The following SOX5 variants were observed in gnomAD, a reference collection of about 807,000 sequenced individuals.
SOX5 encodes SRY-box transcription factor 5.
Under a neutral mutation model 92.0 loss-of-function variants are expected in SOX5, and 9 were observed. The observed-to-expected ratio is 0.10, with a 90% CI of 0.06 to 0.17. The LOEUF (loss-of-function observed/expected upper bound fraction) is 0.17. SOX5 is among the 10% of genes least tolerant of loss of function. The pLI is 1.00. For synonymous variants in SOX5, 344 were observed against 336.3 expected, an observed-to-expected ratio of 1.02 and a Z score of -0.25; for missense variants, 642 against 944.5, an observed-to-expected ratio of 0.68 and a Z score of 4.20.
chr12:23,857,716 CTTAGGAAGTTT>C (rs2096708615), intron 2 of SOX5, among the ~76,000 whole-genome samples: 1 of 151,000 alleles, frequency 6.6e-6, no homozygotes, highest in African/African-American at 2.4e-5. Context: ...TGACAGTGTA[CTTAGGAAGTTT>C]TTTCTTTCTT....
At chr12:23,919,780 G>A (rs1191694703) in intron 1 of SOX5, among the ~76,000 whole-genome samples, 1 of 152,100 alleles carries the variant, frequency 6.6e-6, no homozygotes, top group African/African-American at 2.4e-5. Flanking sequence ...CCACTACATG[G>A]TTTCTACTGG....
At chr12:24,037,840 T>A (rs1484494578) in intron 4 of SOX5, among the ~76,000 whole-genome samples, 1 of 152,170 alleles carries the variant, frequency 6.6e-6, no homozygotes, top group Non-Finnish European at 1.5e-5. Flanking sequence ...ACTTCCCCAC[T>A]TAACTTGCAC....
intron 1 of SOX5, among the ~76,000 whole-genome samples, chr12:24,535,377 T>C (rs1951550627): frequency 6.6e-6 from 1 of 152,090 alleles, no homozygotes; most frequent in Non-Finnish European, 1.5e-5. Context: ...CTTAGAAAAA[T>C]CATGATAAAT....
chr12:24,285,525 CG>C (rs138170589), intron 2 of SOX5, among the ~76,000 whole-genome samples: 22,772 of 152,152 alleles, frequency 0.15, 1,879 homozygotes, highest in Middle Eastern at 0.26. Flanking sequence ...AGAAGAGCAG[CG>C]CTATACTGGT....
chr12:23,584,244 GA>G (rs147927306), intron 9 of SOX5, among the ~76,000 whole-genome samples: 123 of 152,048 alleles, frequency 8.1e-4, no homozygotes, highest in African/African-American at 2.6e-3. Flanking sequence ...TTGACGGGGG[GA>G]AAAAACCACT....
intron 3 of SOX5, among the ~76,000 whole-genome samples, chr12:23,806,280 G>C (rs2095768179): frequency 6.6e-6 from 1 of 152,086 alleles, no homozygotes; most frequent in South Asian, 2.1e-4. Flanking sequence ...AATGCCATGA[G>C]AAAGCATTAG....
chr12:23,726,118 CG>C (rs2076152107), intron 6 of SOX5, among the ~76,000 whole-genome samples: 14 of 123,648 alleles, frequency 1.1e-4, no homozygotes, highest in African/African-American at 1.6e-4. Context: ...CATACATCCC[CG>C]AGAGAGAGAG....
At chr12:24,561,903 C>T (rs962133348) in intron 1 of SOX5, among the ~76,000 whole-genome samples, 5 of 152,234 alleles carry the variant, frequency 3.3e-5, no homozygotes, top group African/African-American at 9.6e-5. Flanking sequence ...CCGCGATGCC[C>T]AGCACAGCCC....
intron 4 of SOX5, among the ~76,000 whole-genome samples, chr12:24,048,265 C>T (rs528042977): frequency 6.6e-5 from 10 of 152,178 alleles, no homozygotes; most frequent in Admixed American, 1.3e-4. Context: ...GAAGTTCATA[C>T]GTGGTGAAGT....
At chr12:24,125,423 T>C (rs1451313896) in intron 4 of SOX5, among the ~76,000 whole-genome samples, 1 of 152,212 alleles carries the variant, frequency 6.6e-6, no homozygotes, top group Non-Finnish European at 1.5e-5. Context: ...TTCTGTCATT[T>C]AGCAAATAGT....
At chr12:24,411,986 A>T (rs898105773) in intron 1 of SOX5, among the ~76,000 whole-genome samples, 35 of 152,124 alleles carry the variant, frequency 2.3e-4, no homozygotes, top group African/African-American at 8.0e-4. Context: ...TATCTATTTA[A>T]TTATGGGTGA....
intron 3 of SOX5, among the ~76,000 whole-genome samples, chr12:23,767,477 C>A (rs1223261646): frequency 6.6e-6 from 1 of 152,048 alleles, no homozygotes; most frequent in African/African-American, 2.4e-5. Flanking sequence ...CCTCTTTATT[C>A]AGAAAATTCC....
chr12:24,386,576 A>C (rs1161721677), intron 1 of SOX5, among the ~76,000 whole-genome samples: 1 of 152,202 alleles, frequency 6.6e-6, no homozygotes, highest in Non-Finnish European at 1.5e-5. Flanking sequence ...TAAATATATG[A>C]AATTGGCAAG....
At chr12:24,561,049 T>G (rs1412405374) in intron 1 of SOX5, among the ~76,000 whole-genome samples, 3 of 152,252 alleles carry the variant, frequency 2.0e-5, no homozygotes, top group Non-Finnish European at 4.4e-5. Context: ...TAAAGAACTC[T>G]GCTGAGCCAG....
At chr12:23,718,904 A>G (rs910867997) in intron 6 of SOX5, among the ~76,000 whole-genome samples, 1 of 152,220 alleles carries the variant, frequency 6.6e-6, no homozygotes, top group Non-Finnish European at 1.5e-5. Context: ...CCTCTTTGCA[A>G]TTTTAGATAA....
At chr12:23,612,109 A>G (rs1403152827) in intron 8 of SOX5, among the ~76,000 whole-genome samples, 6 of 152,060 alleles carry the variant, frequency 3.9e-5, no homozygotes, top group Non-Finnish European at 8.8e-5. Flanking sequence ...AATTATTTTT[A>G]TACGTATTAT....
At chr12:24,282,229 G>A (rs1479333635) in intron 2 of SOX5, among the ~76,000 whole-genome samples, 1 of 152,126 alleles carries the variant, frequency 6.6e-6, no homozygotes, top group Non-Finnish European at 1.5e-5. Context: ...TAAAGGGAGG[G>A]ATAGCATTAG....
In SOX5 at chr12:24,283,050, A is replaced by T. The variant is rs139782806; in HGVS notation, c.-173-5738T>A. ...TTAACTTGTATGTTAGTACAGATGTACCTTAGTATATTAGTGCATGTGCAC... is the reference window on the plus strand; with the variant it reads ...TTAACTTGTATGTTAGTACAGATGTTCCTTAGTATATTAGTGCATGTGCAC... On this transcript the variant is annotated intron_variant, in intron 2 of 4. Transcript: ENST00000446891. 1.8e-4 allele frequency among the ~76,000 whole-genome samples: 27 copies of T among 152,336 alleles called. 1 individual carries two copies. The highest frequency in any genetic ancestry group is 4.6e-4 in the African/African-American group (19 of 41,580).
chr12:24,503,028 G>A (rs1015874692), intron 1 of SOX5, among the ~76,000 whole-genome samples: 3 of 152,204 alleles, frequency 2.0e-5, no homozygotes, highest in African/African-American at 7.2e-5. Context: ...ACAGCTAAAT[G>A]CACTGTGGGA....
Sources: allele counts gnomAD v4.1 joint callset (sites outside exome capture counted in the v4.1 genomes callset), GRCh38; gene constraint gnomAD v4.1.1; transcripts MANE v1.5; gene names NCBI Gene and HGNC (gene_info 2026-07-23, HGNC 2026-07-21).